The following ITGA2B variants were observed in gnomAD, a reference collection of about 807,000 sequenced individuals.
ITGA2B encodes the protein integrin alpha-IIb.
In ITGA2B, 91 loss-of-function variants were observed where a neutral mutation model predicts 142.0. The observed-to-expected ratio is 0.64, with a 90% CI of 0.54 to 0.76. The LOEUF (loss-of-function observed/expected upper bound fraction) is 0.76. ITGA2B is among the 30% of genes least tolerant of loss of function. The pLI is 0.00. For synonymous variants in ITGA2B, 536 were observed against 567.2 expected (o/e 0.94, Z 0.78); for missense variants, 1,231 against 1,350.8 (o/e 0.91, Z 1.39).
At chr17:44,375,524 C>T (rs1250804927) in intron 26 of ITGA2B, 67 bp downstream of exon 26, 18 of 1,588,608 alleles carry the variant, frequency 1.1e-5, no homozygotes, top group Non-Finnish European at 1.5e-5. Flanking sequence ...ACCCCTCTCC[C>T]TCCTCCCATC....
chr17:44,383,401 C>CA, intron 12 of ITGA2B, 92 bp downstream of exon 12: 1 of 1,207,524 alleles, frequency 8.3e-7, no homozygotes, highest in African/African-American at 1.5e-5. Flanking sequence ...GCTTAAAACC[C>CA]ATCCTGGTTC....
intron 1 of ITGA2B, among the ~76,000 whole-genome samples, chr17:44,388,516 C>T (rs1260690070): frequency 1.3e-5 from 2 of 149,732 alleles, no homozygotes; most frequent in Non-Finnish European, 3.0e-5. Context: ...GGCACCACGC[C>T]CGGCTAATTT....
In ITGA2B at chr17:44,383,885, C is replaced by T. The variant is rs773533006; in HGVS notation, c.998+9G>A. 6.2e-7 allele frequency: 1 copy of T among 1,613,284 alleles called. No homozygotes were observed. Among genetic ancestry groups the T allele is most frequent in the Admixed American group, 1.7e-5 (1 of 59,970 alleles). ...CAACTGGGTAGGGGTGGGGCATGTC[C>T]CTCCTCACCCATCCCCGTTGACGTC... On this transcript the variant is annotated intron_variant, in intron 11 of 29. Transcript: ENST00000262407.
At chr17:44,372,583 T>C (rs756105589) in intron 29 of ITGA2B, among the ~76,000 whole-genome samples, 160 bp from the exon 30 acceptor site, 2 of 152,178 alleles carry the variant, frequency 1.3e-5, no homozygotes, top group African/African-American at 2.4e-5. Flanking sequence ...TTAGAGATAA[T>C]GCATGGAACG....
At chr17:44,378,943 C>T (rs1013411682) in intron 18 of ITGA2B, among the ~76,000 whole-genome samples, 1 of 151,892 alleles carries the variant, frequency 6.6e-6, no homozygotes, top group Non-Finnish European at 1.5e-5. Flanking sequence ...CTGGGATTTT[C>T]AGGTGTTTAT....
At position 44,380,582 on chromosome 17, in the gene ITGA2B, C is replaced by T. The variant is rs529038319; in HGVS notation, c.1439+18G>A. ...GGCACAGGACCTTCCCCATCCCGCC[C>T]CTGGAGCCAGTGCTCACCTGTACAC... On this transcript the variant is annotated intron_variant, in intron 14 of 29. Transcript: ENST00000262407. 85 of 1,614,240 alleles carry T rather than the reference C, an allele frequency of 5.3e-5. No individual in the cohort carries two copies. Among genetic ancestry groups the T allele is most frequent in the Non-Finnish European group, 6.9e-5 (82 of 1,180,040 alleles).
chr17:44,375,174 C>A, intron 26 of ITGA2B, 63 bp from the exon 27 acceptor site: 1 of 1,419,722 alleles, frequency 7.0e-7, no homozygotes, highest in Non-Finnish European at 9.7e-7. Context: ...TCCCCCACCC[C>A]CTTACCCCCA....
intron 18 of ITGA2B, among the ~76,000 whole-genome samples, chr17:44,379,161 A>C (rs549114383): frequency 7.3e-6 from 1 of 137,490 alleles, no homozygotes; most frequent in Non-Finnish European, 1.6e-5. Flanking sequence ...TCACTGTGTT[A>C]GCCAGGATGG....
rs2048524009 is a variant in ITGA2B, at chr17:44,374,694, C to A, written c.2908G>T (p.Val970Leu). 2 of 1,614,048 alleles carry A rather than the reference C, an allele frequency of 1.2e-6. No individual in the cohort carries two copies. The highest frequency in any genetic ancestry group is 4.5e-5 in the East Asian group (2 of 44,866). The change falls in exon 28 of 30, where the codon GTG becomes TTG. Residue 970 changes from valine (V) to leucine (L), a missense_variant. Coordinates refer to ENST00000262407, the MANE Select transcript of ITGA2B (RefSeq NM_000419.5). ...WFNVSSLPYA[V>L]PPLSLPRGEA... The stretch of plus-strand genomic sequence containing the variant: ...CCTCGGGGCAGGCTGAGCGGGGGCA[C>A]CGCATAGGGGAGGGAGGACACGTTG...
chr17:44,374,760 T>C lies in ITGA2B; in HGVS notation c.2842A>G (p.Arg948Gly). ...TGCAGCACAAACTGATCCAGAGGCC[T>C]CTGGACAGGTTGGGGTTGAAAGCCG... ...AFLWLPSLYQRPLDQFVLQSH... is the reference protein window; with the variant it reads ...AFLWLPSLYQGPLDQFVLQSH... The change falls in exon 28 of 30, where the codon AGG becomes GGG. Residue 948 changes from arginine to glycine, a missense_variant and splice_region_variant. This residue lies in a region of ITGA2B where 908 missense variants were observed against 1,021.1 expected (regional missense o/e 0.89). Coordinates refer to ENST00000262407, the MANE Select transcript of ITGA2B (RefSeq NM_000419.5). The C allele has an allele frequency of 6.2e-7, 1 of 1,613,624 alleles. No homozygotes were observed. The highest frequency in any genetic ancestry group is 8.5e-7 in the Non-Finnish European group (1 of 1,179,682).
chr17:44,389,096 C>A (rs540328835), intron 1 of ITGA2B, among the ~76,000 whole-genome samples, 190 bp downstream of exon 1: 1 of 152,226 alleles, frequency 6.6e-6, no homozygotes, highest in African/African-American at 2.4e-5. Flanking sequence ...CCCACATGTG[C>A]CCTGCCCTTA....
intron 29 of ITGA2B, 113 bp downstream of exon 29, chr17:44,374,241 T>C: frequency 1.1e-6 from 1 of 885,730 alleles, no homozygotes; most frequent in Non-Finnish European, 1.9e-6. Flanking sequence ...CATAGACCCC[T>C]GGTCCCTGGA....
At chr17:44,378,229 A>T in intron 20 of ITGA2B, 133 bp downstream of exon 20, 5 of 888,134 alleles carry the variant, frequency 5.6e-6, no homozygotes, top group Non-Finnish European at 7.6e-6. Flanking sequence ...CCTCCAAATT[A>T]AAAAAAAAAT....
chr17:44,378,832 G>A (rs2048568343), intron 18 of ITGA2B, 122 bp from the exon 19 acceptor site: 2 of 842,296 alleles, frequency 2.4e-6, no homozygotes, highest in Non-Finnish European at 3.9e-6. Context: ...AAGAAGATCT[G>A]AGGACGAAAA....
Position 44,375,899 on chromosome 17 carries a change from G to A in ITGA2B, c.2535C>T (p.Tyr845=), listed in dbSNP as rs773313723. ...PGQSQPSDLL[Y]ILDIQPQGGL... ...CCCCCTGGGGCTGTATATCCAGGATGTAGAGCAGGTCGGAGGGCTGGGACT... is the reference window on the plus strand; with the variant it reads ...CCCCCTGGGGCTGTATATCCAGGATATAGAGCAGGTCGGAGGGCTGGGACT... The change falls in exon 25 of 30, where the codon TAC becomes TAT. Residue 845 remains tyrosine (Y), a synonymous_variant. Coordinates refer to ENST00000262407, the MANE Select transcript of ITGA2B (RefSeq NM_000419.5). 6.2e-7 allele frequency: 1 copy of A among 1,611,784 alleles called. No homozygotes were observed. The highest frequency in any genetic ancestry group is 2.2e-5 in the East Asian group (1 of 44,814).
chr17:44,385,942 T>C, intron 2 of ITGA2B, 21 bp from the exon 3 acceptor site: 1 of 1,613,242 alleles, frequency 6.2e-7, no homozygotes, highest in Non-Finnish European at 8.5e-7. Context: ...CAAGAAGGGG[T>C]GGGGCGCTGA....
At chr17:44,378,294 G>A in intron 20 of ITGA2B, 68 bp downstream of exon 20, 1 of 1,546,488 alleles carries the variant, frequency 6.5e-7, no homozygotes. Flanking sequence ...CTCAGGGAGG[G>A]AGATGAGAGA....
rs1457238590 is a variant in ITGA2B at position 44,385,771 on chromosome 17, C to A, written c.408+53G>T. 5 of 1,612,324 alleles carry A rather than the reference C, an allele frequency of 3.1e-6. No homozygotes were observed. In the East Asian group the frequency reaches 1.1e-4, roughly 36 times the overall value. On this transcript the variant is annotated intron_variant, in intron 3 of 29. Coordinates refer to ENST00000262407, the MANE Select transcript of ITGA2B (RefSeq NM_000419.5). ...GCGCGAGACTTGGGCTCCTCCTGGC[C>A]CCAGGTGTCCCTGCCCCCGATTGTT...
chr17:44,384,475 T>C lies in ITGA2B; in HGVS notation c.847+63A>G, dbSNP rs111745938. On this transcript the variant is annotated intron_variant, in intron 8 of 29. Coordinates refer to ENST00000262407, the MANE Select transcript of ITGA2B (RefSeq NM_000419.5). ...GGAAGATTTCCCTACATAGGGGAGATTTCAGGAAGGCGCTCCTCCCCGGGC... is the reference window on the plus strand; with the variant it reads ...GGAAGATTTCCCTACATAGGGGAGACTTCAGGAAGGCGCTCCTCCCCGGGC... 1.9e-5 allele frequency: 30 copies of C among 1,610,336 alleles called. 1 individual carries two copies. The African/African-American group carries it at 2.4e-4, about 13-fold the overall frequency.
Sources: gnomAD v4.1 joint callset for allele counts (sites outside exome capture counted in the v4.1 genomes callset) on GRCh38, gnomAD v4.1.1 for gene constraint, gnomAD v4.1.1 regional missense constraint, MANE v1.5 for transcripts, NCBI Gene and HGNC (gene_info 2026-07-23, HGNC 2026-07-21) for gene names.